ASPRV1: variants seen among roughly 807,000 people sequenced by gnomAD.
ASPRV1 encodes the protein retroviral-like aspartic protease 1.
In ASPRV1, 7 loss-of-function variants were observed where a neutral mutation model predicts 11.0. That is an observed-to-expected ratio of 0.64 (90% CI 0.36 to 1.20). The LOEUF (loss-of-function observed/expected upper bound fraction) is 1.20, where lower values mean the gene tolerates loss of function less well. Among genes scored for constraint, ASPRV1 ranks in the 50% most tolerant of loss-of-function variants. ASPRV1 has a pLI of 0.02. For synonymous variants in ASPRV1, 136 were observed against 138.4 expected, an observed-to-expected ratio of 0.98 and a Z score of 0.12; for missense variants, 299 against 320.0, an observed-to-expected ratio of 0.93 and a Z score of 0.50.
chr2:70,033,074 A>G, the ASPRV1 span, among the ~76,000 whole-genome samples: 3 of 152,096 alleles, frequency 2.0e-5, no homozygotes, highest in Non-Finnish European at 4.4e-5. Context: ...CCCAAGTTCT[A>G]TGAGAAGTCC....
chr2:70,020,244 T>C, the ASPRV1 span, among the ~76,000 whole-genome samples: 3 of 152,174 alleles, frequency 2.0e-5, no homozygotes, highest in African/African-American at 7.2e-5. Flanking sequence ...TCTGGTTATA[T>C]ATACAATTGA....
At chr2:69,948,601 C>T in the ASPRV1 span, among the ~76,000 whole-genome samples, 1 of 152,248 alleles carries the variant, frequency 6.6e-6, no homozygotes, top group Middle Eastern at 3.4e-3. Flanking sequence ...CTTGCAGCCA[C>T]GGAGGGCGGT....
the ASPRV1 span, among the ~76,000 whole-genome samples, chr2:69,935,862 A>G: frequency 2.6e-5 from 4 of 152,210 alleles, no homozygotes; most frequent in Middle Eastern, 3.4e-3. Context: ...TCTGCTTTCC[A>G]TGCTTCCTGA....
downstream of ASPRV1, among the ~76,000 whole-genome samples, chr2:69,955,735 T>C (rs1410206940): frequency 6.6e-6 from 1 of 152,094 alleles, no homozygotes; most frequent in Non-Finnish European, 1.5e-5. Flanking sequence ...ATCGGCACAG[T>C]AGCTGTGTGA....
the ASPRV1 span, among the ~76,000 whole-genome samples, chr2:70,085,237 G>A: frequency 6.6e-6 from 1 of 152,166 alleles, no homozygotes; most frequent in South Asian, 2.1e-4. Flanking sequence ...CTCCCCCAGA[G>A]GCAGGTAGGC....
At chr2:70,019,178 A>C in the ASPRV1 span, 1 of 152,336 alleles carries the variant, frequency 6.6e-6, no homozygotes, top group African/African-American at 2.4e-5. Flanking sequence ...GAACTGCACT[A>C]ATCACCAGAG....
At chr2:70,003,625 G>A in the ASPRV1 span, among the ~76,000 whole-genome samples, 1 of 152,224 alleles carries the variant, frequency 6.6e-6, no homozygotes, top group Non-Finnish European at 1.5e-5. Flanking sequence ...TCCTTTGGAA[G>A]CTCTTCTCCA....
chr2:70,040,448 T>C, the ASPRV1 span, among the ~76,000 whole-genome samples: 6 of 152,170 alleles, frequency 3.9e-5, no homozygotes, highest in Non-Finnish European at 7.4e-5. Flanking sequence ...CGGAGTGCAA[T>C]GGCCTGATCT....
At chr2:70,027,519 G>A in the ASPRV1 span, among the ~76,000 whole-genome samples, 1 of 152,124 alleles carries the variant, frequency 6.6e-6, no homozygotes, top group African/African-American at 2.4e-5. Context: ...ATCAACAGAA[G>A]AATGGATTAA....
the ASPRV1 span, among the ~76,000 whole-genome samples, chr2:69,989,626 G>C: frequency 2.0e-5 from 3 of 152,222 alleles, no homozygotes; most frequent in African/African-American, 7.2e-5. Flanking sequence ...GCCGCCCCCA[G>C]AGTAAACAGC....
At chr2:69,936,144 C>T in the ASPRV1 span, among the ~76,000 whole-genome samples, 1 of 152,066 alleles carries the variant, frequency 6.6e-6, no homozygotes, top group Non-Finnish European at 1.5e-5. Flanking sequence ...AGGACTTCTA[C>T]TTATTCTTCA....
chr2:69,950,652 GC>G, the ASPRV1 span, among the ~76,000 whole-genome samples: 1 of 152,038 alleles, frequency 6.6e-6, no homozygotes, highest in South Asian at 2.1e-4. Flanking sequence ...GACCAGCCTG[GC>G]CAACATGGTG....
At chr2:70,062,533 C>A in the ASPRV1 span, among the ~76,000 whole-genome samples, 1 of 152,128 alleles carries the variant, frequency 6.6e-6, no homozygotes, top group Non-Finnish European at 1.5e-5. Flanking sequence ...GCTCTAGGAA[C>A]AAGGCTAATG....
At chr2:69,961,771 C>T (rs1678128173), upstream of ASPRV1, 2 of 1,415,962 alleles carry the variant, frequency 1.4e-6, no homozygotes, top group Middle Eastern at 2.6e-4. Context: ...GGGTGCCTCA[C>T]CCTCTGCATC....
chr2:69,938,059 G>A, the ASPRV1 span: 91 of 1,596,620 alleles, frequency 5.7e-5, no homozygotes, highest in Non-Finnish European at 7.0e-5. Flanking sequence ...TCTGCAGAGC[G>A]CTTTCATCAA....
At chr2:70,035,114 A>G in the ASPRV1 span, 13 of 152,382 alleles carry the variant, frequency 8.5e-5, no homozygotes, top group East Asian at 5.8e-4. Context: ...AATGAGAAGG[A>G]AGGGAGGTGA....
chr2:70,007,591 ATAT>A, the ASPRV1 span, among the ~76,000 whole-genome samples: 1 of 151,686 alleles, frequency 6.6e-6, no homozygotes, highest in East Asian at 1.9e-4. Flanking sequence ...ATGAATATAT[ATAT>A]AATAGAAAAA....
chr2:70,024,356 A>G, the ASPRV1 span, among the ~76,000 whole-genome samples: 1 of 152,198 alleles, frequency 6.6e-6, no homozygotes, highest in Non-Finnish European at 1.5e-5. Flanking sequence ...TAAGTCGTTC[A>G]TTAGTTGCAG....
chr2:70,010,735 T>A, the ASPRV1 span, among the ~76,000 whole-genome samples: 1 of 152,150 alleles, frequency 6.6e-6, no homozygotes, highest in Non-Finnish European at 1.5e-5. Context: ...CTCCAGGAAG[T>A]GCTCCCTGAA....
Sources: allele counts gnomAD v4.1 joint callset (sites outside exome capture counted in the v4.1 genomes callset), GRCh38; gene constraint gnomAD v4.1.1; transcripts MANE v1.5; gene names NCBI Gene and HGNC (gene_info 2026-07-23, HGNC 2026-07-21).